RBMS3: variants seen among roughly 807,000 people sequenced by gnomAD.
RBMS3 encodes the protein RNA-binding motif, single-stranded-interacting protein 3.
RBMS3 carries 27 observed loss-of-function variants against 66.8 expected under a neutral mutation model. The observed-to-expected ratio is 0.40, with a 90% CI of 0.30 to 0.56. The LOEUF (loss-of-function observed/expected upper bound fraction) is 0.56. RBMS3 is among the 20% of genes least tolerant of loss of function. RBMS3 has a pLI of 0.40. For synonymous variants in RBMS3, 188 were observed against 183.0 expected, an observed-to-expected ratio of 1.03 and a Z score of -0.22; for missense variants, 513 against 549.5, an observed-to-expected ratio of 0.93 and a Z score of 0.66.
At chr3:29,427,507 A>C (rs2041005284) in intron 1 of RBMS3, among the ~76,000 whole-genome samples, 1 of 152,232 alleles carries the variant, frequency 6.6e-6, no homozygotes, top group Non-Finnish European at 1.5e-5. Flanking sequence ...TGGAAATTAC[A>C]CTATCAAGGA....
At chr3:29,866,128 TA>T (rs1165662938) in intron 6 of RBMS3, among the ~76,000 whole-genome samples, 1 of 148,160 alleles carries the variant, frequency 6.7e-6, no homozygotes, top group East Asian at 2.0e-4. Flanking sequence ...ATTCCTTGGT[TA>T]AAAAAAGACT....
intron 6 of RBMS3, among the ~76,000 whole-genome samples, chr3:29,772,896 A>G (rs2581889): frequency 0.46 from 70,400 of 151,936 alleles, 16,722 homozygotes; most frequent in African/African-American, 0.55. Flanking sequence ...ACTGTTCAGC[A>G]TCTGAAACAA....
intron 4 of RBMS3, among the ~76,000 whole-genome samples, chr3:29,592,297 G>A (rs2047768681): frequency 6.6e-6 from 1 of 151,814 alleles, no homozygotes; most frequent in Non-Finnish European, 1.5e-5. Flanking sequence ...AAGGAAGGGT[G>A]TATAATTTAC....
intron 1 of RBMS3, among the ~76,000 whole-genome samples, chr3:29,335,787 T>A (rs1486045135): frequency 1.3e-5 from 2 of 152,120 alleles, no homozygotes; most frequent in African/African-American, 4.8e-5. Flanking sequence ...AAAAGATACA[T>A]TTGTGAAATT....
rs371062469 is a variant in RBMS3, at chr3:29,500,344, A to G, written c.307+11845A>G. On this transcript the variant is annotated intron_variant, in intron 3 of 14. Coordinates refer to ENST00000383767, the MANE Select transcript of RBMS3 (RefSeq NM_001003793.3). ...AGTCAAAGATTCCCGTATAGAAAAT[A>G]GAAATTTTCTCAGTCTATCTCAATT... 1.5e-4 allele frequency among the ~76,000 whole-genome samples: 22 copies of G among 150,906 alleles called. No individual in the cohort carries two copies. The East Asian group carries it at 3.5e-3, about 24-fold the overall frequency.
chr3:29,677,595 A>C (rs542588581), intron 4 of RBMS3, among the ~76,000 whole-genome samples: 38 of 152,212 alleles, frequency 2.5e-4, no homozygotes, highest in African/African-American at 9.2e-4. Flanking sequence ...GCTCATTGCA[A>C]ATTTCTCCAC....
At chr3:29,544,375 AG>A (rs1213105308) in intron 3 of RBMS3, among the ~76,000 whole-genome samples, 1 of 139,304 alleles carries the variant, frequency 7.2e-6, no homozygotes. Flanking sequence ...CTTCTTGAGA[AG>A]TCTTACAAAT....
At chr3:29,616,993 G>A (rs2149144009) in intron 4 of RBMS3, 1 of 152,276 alleles carries the variant, frequency 6.6e-6, no homozygotes. Context: ...AGTATGGTGG[G>A]AGTAAAAGTC....
intron 6 of RBMS3, among the ~76,000 whole-genome samples, chr3:29,853,923 C>T (rs1406423643): frequency 6.6e-6 from 1 of 152,174 alleles, no homozygotes; most frequent in Non-Finnish European, 1.5e-5. Flanking sequence ...AAGCCCAGGG[C>T]AGAAGCATTC....
intron 1 of RBMS3, among the ~76,000 whole-genome samples, chr3:29,346,075 T>G (rs1414412188): frequency 6.6e-6 from 1 of 152,226 alleles, no homozygotes; most frequent in Non-Finnish European, 1.5e-5. Context: ...TGACTGGGCA[T>G]AGGCGTGCAG....
chr3:29,576,291 CT>C (rs1442582743), intron 3 of RBMS3, among the ~76,000 whole-genome samples: 4 of 152,170 alleles, frequency 2.6e-5, no homozygotes, highest in Non-Finnish European at 4.4e-5. Flanking sequence ...GACTCTTCTC[CT>C]TTTCCTTTAC....
chr3:29,704,594 A>T (rs899169056), intron 4 of RBMS3, among the ~76,000 whole-genome samples: 1 of 152,210 alleles, frequency 6.6e-6, no homozygotes, highest in Non-Finnish European at 1.5e-5. Context: ...TTATTGTGAT[A>T]AAATACATGT....
At chr3:29,562,499 A>G (rs560352463) in intron 3 of RBMS3, among the ~76,000 whole-genome samples, 1 of 152,294 alleles carries the variant, frequency 6.6e-6, no homozygotes, top group Non-Finnish European at 1.5e-5. Context: ...GGAAGAAACT[A>G]CGATGTTGAT....
At chr3:29,361,878 T>C (rs9848584) in intron 1 of RBMS3, among the ~76,000 whole-genome samples, 15,021 of 152,252 alleles carry the variant, frequency 0.099, 1,503 homozygotes, top group African/African-American at 0.26. Context: ...TTAGTTCTCG[T>C]GCCATGGTTT....
At chr3:29,866,547 T>C (rs1408494964) in intron 6 of RBMS3, among the ~76,000 whole-genome samples, 1 of 152,204 alleles carries the variant, frequency 6.6e-6, no homozygotes, top group African/African-American at 2.4e-5. Flanking sequence ...AATACCTGTA[T>C]GTACCTGAAT....
chr3:29,305,827 G>A (rs1255205058), intron 1 of RBMS3, among the ~76,000 whole-genome samples: 1 of 151,972 alleles, frequency 6.6e-6, no homozygotes, highest in African/African-American at 2.4e-5. Flanking sequence ...TGATTTTCCA[G>A]AGGAAATTGC....
chr3:29,704,643 G>A (rs139963127), intron 4 of RBMS3, among the ~76,000 whole-genome samples: 2 of 152,180 alleles, frequency 1.3e-5, no homozygotes, highest in Non-Finnish European at 2.9e-5. Context: ...ACCAATGTTG[G>A]ATCATTTATT....
intron 1 of RBMS3, among the ~76,000 whole-genome samples, chr3:29,287,997 C>T (rs2125417679): frequency 6.6e-6 from 1 of 151,916 alleles, no homozygotes; most frequent in South Asian, 2.1e-4. Context: ...GTTTATTACT[C>T]AGGGAGTATG....
intron 4 of RBMS3, among the ~76,000 whole-genome samples, chr3:29,671,719 G>A (rs1314723933): frequency 6.6e-6 from 1 of 152,146 alleles, no homozygotes; most frequent in East Asian, 1.9e-4. Flanking sequence ...GAAGCGAGAA[G>A]AGAAGTTTAG....
Sources: allele counts gnomAD v4.1 joint callset (sites outside exome capture counted in the v4.1 genomes callset), GRCh38; gene constraint gnomAD v4.1.1; transcripts MANE v1.5; gene names NCBI Gene and HGNC (gene_info 2026-07-23, HGNC 2026-07-21).